Variants in CPPED1 observed in about 807,000 individuals in gnomAD.
CPPED1 encodes the protein calcineurin like phosphoesterase domain containing 1, also known as serine/threonine-protein phosphatase CPPED1.
A neutral mutation model predicts 28.0 loss-of-function variants in CPPED1; 28 were observed. The observed-to-expected ratio is 1.00, with a 90% CI of 0.74 to 1.37. The LOEUF (loss-of-function observed/expected upper bound fraction) is 1.37, where lower values mean the gene tolerates loss of function less well. Ranked by LOEUF, CPPED1 falls within the 40% of genes most tolerant of loss-of-function variation. The pLI is 0.00. For missense variants in CPPED1, 504 were observed against 416.5 expected (o/e 1.21, Z -1.83); for synonymous variants, 198 against 180.2 (o/e 1.10, Z -0.79).
intron 2 of CPPED1, among the ~76,000 whole-genome samples, chr16:12,728,341 T>C (rs2080180029): frequency 6.6e-6 from 1 of 152,152 alleles, no homozygotes; most frequent in African/African-American, 2.4e-5. Context: ...AGAAATACTA[T>C]TTGTTATATT....
chr16:12,777,347 G>T (rs1411039804), intron 2 of CPPED1, among the ~76,000 whole-genome samples: 1 of 152,186 alleles, frequency 6.6e-6, no homozygotes, highest in African/African-American at 2.4e-5. Context: ...GTTCTGATTT[G>T]TCAGCTTCAC....
At chr16:12,767,450 C>T (rs2080446080) in intron 2 of CPPED1, among the ~76,000 whole-genome samples, 1 of 152,170 alleles carries the variant, frequency 6.6e-6, no homozygotes, top group Admixed American at 6.5e-5. Context: ...TGGGCACCTC[C>T]TAGCCCAGCC....
chr16:12,676,900 T>C (rs1052612204), intron 3 of CPPED1, among the ~76,000 whole-genome samples: 13 of 152,324 alleles, frequency 8.5e-5, no homozygotes, highest in African/African-American at 3.1e-4. Flanking sequence ...GATTTTATTA[T>C]ACGATTTAGA....
At chr16:12,691,981 CA>C (rs2079966107) in intron 3 of CPPED1, among the ~76,000 whole-genome samples, 1 of 127,062 alleles carries the variant, frequency 7.9e-6, no homozygotes, top group Non-Finnish European at 1.6e-5. Flanking sequence ...AAAAAAAAAA[CA>C]AAAACAACAT....
At chr16:12,720,140 G>A (rs1030479683) in intron 2 of CPPED1, among the ~76,000 whole-genome samples, 1 of 152,172 alleles carries the variant, frequency 6.6e-6, no homozygotes, top group Non-Finnish European at 1.5e-5. Context: ...CACCGATCCT[G>A]TCTTCCCGAG....
intron 3 of CPPED1, among the ~76,000 whole-genome samples, chr16:12,684,100 T>A (rs2079920123): frequency 6.6e-6 from 1 of 152,140 alleles, no homozygotes; most frequent in Non-Finnish European, 1.5e-5. Flanking sequence ...CACAGCTGCA[T>A]GGGGGTCTGG....
chr16:12,665,170 A>G (rs1713479), intron 3 of CPPED1, 55 bp from the exon 4 acceptor site: 1,422,402 of 1,537,252 alleles, frequency 0.93, 662,624 homozygotes, highest in Non-Finnish European at 0.95. Context: ...TAGGTAACCT[A>G]GGGTCTCCAG....
chr16:12,686,240 TA>T (rs11286733), intron 3 of CPPED1, among the ~76,000 whole-genome samples: 16,118 of 128,070 alleles, frequency 0.13, 904 homozygotes, highest in African/African-American at 0.23. Context: ...TATATATATA[TA>T]TTTTTTTTTT....
At chr16:12,687,423 T>C (rs2079939124) in intron 3 of CPPED1, among the ~76,000 whole-genome samples, 1 of 152,202 alleles carries the variant, frequency 6.6e-6, no homozygotes, top group Non-Finnish European at 1.5e-5. Context: ...AATGTGCACC[T>C]TCTTGGGATA....
intron 1 of CPPED1, among the ~76,000 whole-genome samples, chr16:12,801,858 C>T (rs1345108314): frequency 6.6e-6 from 1 of 152,074 alleles, no homozygotes; most frequent in African/African-American, 2.4e-5. Context: ...AAAGCAGAAC[C>T]ACTGCCACTC....
At chr16:12,708,413 T>C (rs1333045401) in intron 2 of CPPED1, among the ~76,000 whole-genome samples, 3 of 152,182 alleles carry the variant, frequency 2.0e-5, no homozygotes, top group African/African-American at 7.2e-5. Context: ...CCTACTAAGA[T>C]AATGATGTCT....
At chr16:12,750,824 AGCCAG>A (rs1056390802) in intron 2 of CPPED1, among the ~76,000 whole-genome samples, 5 of 152,048 alleles carry the variant, frequency 3.3e-5, no homozygotes, top group African/African-American at 1.2e-4. Flanking sequence ...TACAAAAATT[AGCCAG>A]GCGTGGTGCC....
chr16:12,792,038 G>A (rs146163591), intron 1 of CPPED1, among the ~76,000 whole-genome samples: 6 of 151,382 alleles, frequency 4.0e-5, no homozygotes, highest in Non-Finnish European at 5.9e-5. Context: ...AGCAACCTCC[G>A]TCCCCCAGGT....
intron 2 of CPPED1, among the ~76,000 whole-genome samples, chr16:12,732,022 G>C (rs556957940): frequency 5.3e-4 from 81 of 152,154 alleles, no homozygotes; most frequent in African/African-American, 1.8e-3. Context: ...AAGTAGCTGG[G>C]CGTAGTGGCA....
Position 12,740,776 on chromosome 16 carries a change from C to G in CPPED1, c.290-35727G>C, listed in dbSNP as rs1008841091. Among the ~76,000 whole-genome samples, 3 of 152,120 alleles carry G rather than the reference C, an allele frequency of 2.0e-5. No individual in the cohort carries two copies. The South Asian group carries it at 6.2e-4, about 32-fold the overall frequency. On this transcript the variant is annotated intron_variant, in intron 2 of 3. Transcript: ENST00000381774. ...AGCAGAGTGAACAGCAGGTGCAAGG[C>G]CCTGTGGCAGGAAAGGAGAGCACAG...
intron 2 of CPPED1, among the ~76,000 whole-genome samples, chr16:12,750,897 G>A (rs1036701757): frequency 1.3e-5 from 2 of 152,122 alleles, no homozygotes; most frequent in Non-Finnish European, 2.9e-5. Context: ...GAACTTGAGA[G>A]GTGGAGGTTG....
chr16:12,797,428 T>A (rs1203056686), intron 1 of CPPED1, among the ~76,000 whole-genome samples: 1 of 152,072 alleles, frequency 6.6e-6, no homozygotes, highest in Non-Finnish European at 1.5e-5. Flanking sequence ...ACCTTCTCTG[T>A]TCCTAGCTAC....
At chr16:12,746,679 C>G (rs1001799435) in intron 2 of CPPED1, among the ~76,000 whole-genome samples, 1 of 151,958 alleles carries the variant, frequency 6.6e-6, no homozygotes, top group African/African-American at 2.4e-5. Context: ...GAAAAAAAAT[C>G]ACGACAGCAT....
intron 2 of CPPED1, among the ~76,000 whole-genome samples, chr16:12,725,527 C>T (rs899171407): frequency 5.3e-5 from 8 of 152,040 alleles, no homozygotes; most frequent in Admixed American, 2.0e-4. Flanking sequence ...CAACCATTTA[C>T]GGATGAGAAA....
Sources: allele counts gnomAD v4.1 joint callset (sites outside exome capture counted in the v4.1 genomes callset), GRCh38; gene constraint gnomAD v4.1.1; transcripts MANE v1.5; gene names NCBI Gene and HGNC (gene_info 2026-07-23, HGNC 2026-07-21).